Variants in CSRNP3 observed in about 807,000 individuals in gnomAD.
CSRNP3 encodes the protein cysteine and serine rich nuclear protein 3.
A neutral mutation model predicts 48.0 loss-of-function variants in CSRNP3; 12 were observed. The ratio of observed to expected loss-of-function variants is 0.25; its 90% confidence interval spans 0.16 to 0.41. CSRNP3 has a LOEUF of 0.41. Among genes scored for constraint, CSRNP3 ranks in the 10% least tolerant of loss-of-function variants. The pLI, the probability that CSRNP3 is intolerant of heterozygous loss-of-function variation, is 1.00. For synonymous variants in CSRNP3, 263 were observed against 269.7 expected (o/e 0.98, Z 0.24); for missense variants, 580 against 724.4 (o/e 0.80, Z 2.29).
chr2:165,566,313 C>A (rs184820308), intron 3 of CSRNP3, among the ~76,000 whole-genome samples: 15 of 151,944 alleles, frequency 9.9e-5, no homozygotes, highest in Admixed American at 8.5e-4. Context: ...GCCTAGAATA[C>A]CCTTATTTTC....
intron 2 of CSRNP3, among the ~76,000 whole-genome samples, chr2:165,515,477 A>G (rs968212824): frequency 3.3e-5 from 5 of 151,766 alleles, no homozygotes; most frequent in Non-Finnish European, 5.9e-5. Context: ...TTGAATTTCA[A>G]CTTTAATAAT....
At chr2:165,675,589 A>G (rs748215407) in intron 5 of CSRNP3, among the ~76,000 whole-genome samples, 1 of 152,190 alleles carries the variant, frequency 6.6e-6, no homozygotes, top group African/African-American at 2.4e-5. Context: ...CACATGAGCT[A>G]TTATGCAGAA....
At chr2:165,547,384 A>G (rs891747007) in intron 3 of CSRNP3, among the ~76,000 whole-genome samples, 1 of 152,148 alleles carries the variant, frequency 6.6e-6, no homozygotes, top group Non-Finnish European at 1.5e-5. Context: ...GAACAAAAAT[A>G]CTGTATCACC....
intron 4 of CSRNP3, among the ~76,000 whole-genome samples, chr2:165,642,191 G>A (rs1391112527): frequency 6.6e-6 from 1 of 151,256 alleles, no homozygotes; most frequent in African/African-American, 2.4e-5. Context: ...AGATGTGAAA[G>A]CAGAGCTGTA....
At chr2:165,550,382 C>G (rs1685081585) in intron 3 of CSRNP3, among the ~76,000 whole-genome samples, 1 of 152,030 alleles carries the variant, frequency 6.6e-6, no homozygotes, top group African/African-American at 2.4e-5. Context: ...AAAGAAAAAT[C>G]AAGGGGAACA....
chr2:165,651,071 C>T (rs888782180), intron 4 of CSRNP3, among the ~76,000 whole-genome samples: 1 of 152,312 alleles, frequency 6.6e-6, no homozygotes, highest in Non-Finnish European at 1.5e-5. Context: ...GCTCATTGCT[C>T]AAGCATTCGC....
chr2:165,596,724 T>C lies in CSRNP3; in HGVS notation c.148+1511T>C, dbSNP rs527629927. Among the ~76,000 whole-genome samples the C allele has an allele frequency of 7.6e-5, 10 of 130,820 alleles. No homozygotes were observed. The South Asian group carries it at 1.3e-3, about 17-fold the overall frequency. 85.8% of individuals were successfully genotyped at this position (130,820 alleles called of 152,430 possible). ...AGAAGAGATGTATTTATGTTTTGGGTCTTAATACTAGTAGTGATAATAACA... is the reference window on the plus strand; with the variant it reads ...AGAAGAGATGTATTTATGTTTTGGGCCTTAATACTAGTAGTGATAATAACA... On this transcript the variant is annotated intron_variant, in intron 4 of 6. Coordinates refer to ENST00000651982, the MANE Select transcript of CSRNP3 (RefSeq NM_001172173.2).
chr2:165,583,060 A>G (rs1425679858), intron 3 of CSRNP3, among the ~76,000 whole-genome samples: 3 of 152,218 alleles, frequency 2.0e-5, no homozygotes, highest in Admixed American at 6.5e-5. Flanking sequence ...CACATTGGCA[A>G]GCCACCAGCA....
rs1380253327 is a variant in CSRNP3 at position 165,686,443 on chromosome 2, G to T, written c.*6690G>T. 6.6e-6 allele frequency: 1 copy of T among 151,822 alleles called. No individual in the cohort carries two copies. The highest frequency in any genetic ancestry group is 2.4e-5 in the African/African-American group (1 of 41,360). 9.4% of individuals were successfully genotyped at this position (151,822 alleles called of 1,614,324 possible). On this transcript the variant is annotated 3_prime_UTR_variant, in exon 7 of 7. Transcript: ENST00000651982. ...GCTTTTTTCCTTAGCCATTAAAAAAGCCACCCCTCTTTAAAACAAATTTAA... is the reference window on the plus strand; with the variant it reads ...GCTTTTTTCCTTAGCCATTAAAAAATCCACCCCTCTTTAAAACAAATTTAA...
At chr2:165,510,267 A>C (rs1041383249) in intron 2 of CSRNP3, among the ~76,000 whole-genome samples, 2 of 152,072 alleles carry the variant, frequency 1.3e-5, no homozygotes. Context: ...AATGGGGATG[A>C]TCTGTATATG....
intron 2 of CSRNP3, among the ~76,000 whole-genome samples, chr2:165,512,741 G>A (rs1558921056): frequency 6.6e-6 from 1 of 152,210 alleles, no homozygotes; most frequent in Non-Finnish European, 1.5e-5. Flanking sequence ...CAAAATTGGA[G>A]TGGTATTGAT....
intron 3 of CSRNP3, among the ~76,000 whole-genome samples, chr2:165,539,023 G>T (rs527567920): frequency 6.6e-6 from 1 of 151,980 alleles, no homozygotes; most frequent in Non-Finnish European, 1.5e-5. Context: ...TGGAATAGTG[G>T]ATTGAAAAAG....
intron 1 of CSRNP3, among the ~76,000 whole-genome samples, chr2:165,474,300 C>T (rs937190924): frequency 2.6e-5 from 4 of 151,934 alleles, no homozygotes; most frequent in Non-Finnish European, 5.9e-5. Flanking sequence ...TATTCACAGG[C>T]AAGATTATAG....
rs1180115402 is a variant in CSRNP3, at chr2:165,520,808, T to A, written c.-24+2847T>A. Among the ~76,000 whole-genome samples the A allele has an allele frequency of 2.8e-5, 2 of 70,814 alleles. 1 individual carries two copies. Among genetic ancestry groups the A allele is most frequent in the African/African-American group, 1.2e-4 (2 of 16,962 alleles). 46.5% of individuals were successfully genotyped at this position (70,814 alleles called of 152,430 possible). ...TTATATATATATATATATATATATA[T>A]ATATATATATATATATATACATATT... On this transcript the variant is annotated intron_variant, in intron 3 of 6. Transcript: ENST00000651982.
At chr2:165,617,815 A>G (rs757082876) in intron 4 of CSRNP3, among the ~76,000 whole-genome samples, 3 of 152,116 alleles carry the variant, frequency 2.0e-5, no homozygotes, top group Non-Finnish European at 4.4e-5. Flanking sequence ...AATGTGCTTG[A>G]CCAATTGTTC....
intron 5 of CSRNP3, among the ~76,000 whole-genome samples, chr2:165,675,109 T>C (rs1687402150): frequency 6.6e-6 from 1 of 152,138 alleles, no homozygotes; most frequent in Non-Finnish European, 1.5e-5. Flanking sequence ...ATTTGTTTTT[T>C]AATACATTCA....
In CSRNP3 at chr2:165,595,051, G is replaced by T; in HGVS notation, c.-15G>T. The T allele has an allele frequency of 6.2e-7, 1 of 1,613,816 alleles. No homozygotes were observed. The highest frequency in any genetic ancestry group is 8.5e-7 in the Non-Finnish European group (1 of 1,179,886). On this transcript the variant is annotated 5_prime_UTR_variant, in exon 4 of 7. The change abolishes the stop of an existing upstream ORF in the 5' untranslated region. Transcript: ENST00000651982. Reference sequence around the variant, plus strand: ...TCTCCTTCCTGTTACAGGTACATGTGACAGCACTGCAGCGATGAGTGGAAT... The same window carrying T: ...TCTCCTTCCTGTTACAGGTACATGTTACAGCACTGCAGCGATGAGTGGAAT...
chr2:165,548,878 G>A (rs913108993), intron 3 of CSRNP3, among the ~76,000 whole-genome samples: 8 of 151,844 alleles, frequency 5.3e-5, no homozygotes, highest in Non-Finnish European at 7.4e-5. Context: ...CATATTCATG[G>A]CATTTTCAGA....
intron 3 of CSRNP3, among the ~76,000 whole-genome samples, chr2:165,564,177 T>A (rs1685269419): frequency 6.6e-6 from 1 of 152,102 alleles, no homozygotes; most frequent in African/African-American, 2.4e-5. Context: ...ATCAAAGCAA[T>A]CAAGTCTTTA....
Sources: gnomAD v4.1 joint callset for allele counts (sites outside exome capture counted in the v4.1 genomes callset) on GRCh38, gnomAD v4.1.1 for gene constraint, MANE v1.5 for transcripts, NCBI Gene and HGNC (gene_info 2026-07-23, HGNC 2026-07-21) for gene names.